Variants in ATP6V1H observed in about 807,000 individuals in gnomAD.
The protein encoded by ATP6V1H is V-type proton ATPase subunit H.
In ATP6V1H, 39 loss-of-function variants were observed where a neutral mutation model predicts 71.7. The ratio of observed to expected loss-of-function variants is 0.54; its 90% CI spans 0.42 to 0.71. The LOEUF is 0.71. ATP6V1H is among the 30% of genes least tolerant of loss of function. The probability of loss-of-function intolerance (pLI) is 0.00; values close to 1 mark genes in which losing one functional copy is unlikely to be tolerated. For missense variants in ATP6V1H, 509 were observed against 594.9 expected, an observed-to-expected ratio of 0.86 and a Z score of 1.50; for synonymous variants, 192 against 199.3, an observed-to-expected ratio of 0.96 and a Z score of 0.31.
intron 2 of ATP6V1H, among the ~76,000 whole-genome samples, chr8:53,837,035 G>C (rs1811180559): frequency 6.6e-6 from 1 of 152,098 alleles, no homozygotes; most frequent in Non-Finnish European, 1.5e-5. Flanking sequence ...CAGCTACTCG[G>C]GAGGCTGAGG....
At position 53,718,522 on chromosome 8, in the gene ATP6V1H, TG is replaced by T. The variant is rs772568242; in HGVS notation, c.1392-2499del. ...CTCCCACCCCAGCCTCTTGAGAAGC[TG>T]GAACTACAGGTGCTCACCACCATGC... On this transcript the variant is annotated intron_variant, in intron 13 of 13. Coordinates refer to ENST00000359530, the MANE Select transcript of ATP6V1H (RefSeq NM_015941.4). Among the ~76,000 whole-genome samples the T allele has an allele frequency of 9.8e-4, 149 of 151,982 alleles. 1 individual carries two copies. Among genetic ancestry groups the T allele is most frequent in the Non-Finnish European group, 1.5e-3 (103 of 67,996 alleles).
At chr8:53,719,665 C>T (rs1806548096) in intron 13 of ATP6V1H, among the ~76,000 whole-genome samples, 1 of 152,208 alleles carries the variant, frequency 6.6e-6, no homozygotes, top group South Asian at 2.1e-4. Flanking sequence ...AGCTTTATCA[C>T]AGGTATGCCC....
At chr8:53,827,225 A>C (rs2130511845) in intron 4 of ATP6V1H, among the ~76,000 whole-genome samples, 1 of 151,822 alleles carries the variant, frequency 6.6e-6, no homozygotes, top group Middle Eastern at 3.4e-3. Flanking sequence ...TCTACTAAAA[A>C]CACAAAAATT....
chr8:53,723,154 G>T (rs1295017914), intron 13 of ATP6V1H, among the ~76,000 whole-genome samples: 1 of 152,154 alleles, frequency 6.6e-6, no homozygotes, highest in Non-Finnish European at 1.5e-5. Flanking sequence ...ATACAACTTT[G>T]GCACACTACA....
chr8:53,769,676 CA>C lies in ATP6V1H; in HGVS notation c.1116del (p.Glu373ArgfsTer9). On this transcript the variant is annotated frameshift_variant, in exon 11 of 14. Transcript: ENST00000359530. LOFTEE classifies it high-confidence loss of function. ...ACAGCATTCTCTCTCCAAAATTTCT[CA>C]GATTTGTGCACAGGACTCCATTCCA... The part of the protein sequence containing the change: ...GRLEWSPVHK[S>X]EKFWRENAVR... 6.2e-7 allele frequency: 1 copy of C among 1,613,038 alleles called. No homozygotes were observed. Among genetic ancestry groups the C allele is most frequent in the Non-Finnish European group, 8.5e-7 (1 of 1,179,256 alleles).
intron 13 of ATP6V1H, among the ~76,000 whole-genome samples, chr8:53,718,953 G>GAAGA (rs1806523927): frequency 1.3e-5 from 2 of 152,262 alleles, no homozygotes; most frequent in East Asian, 3.9e-4. Flanking sequence ...CCCAGCAAGA[G>GAAGA]AAGAGCCCAG....
intron 11 of ATP6V1H, among the ~76,000 whole-genome samples, chr8:53,763,875 A>C (rs1808360757): frequency 6.6e-6 from 1 of 152,208 alleles, no homozygotes; most frequent in Non-Finnish European, 1.5e-5. Context: ...AAACACTTAA[A>C]GGGTAACTGA....
chr8:53,841,548 G>A (rs755407350), intron 2 of ATP6V1H, 30 bp downstream of exon 2: 1 of 1,610,892 alleles, frequency 6.2e-7, no homozygotes, highest in Non-Finnish European at 8.5e-7. Flanking sequence ...GCATATGACT[G>A]TCCATGATTC....
chr8:53,774,367 T>C (rs976217930), intron 9 of ATP6V1H, among the ~76,000 whole-genome samples: 4 of 152,228 alleles, frequency 2.6e-5, no homozygotes, highest in Non-Finnish European at 5.9e-5. Context: ...CTACTTAAAG[T>C]AGAAAGTATT....
intron 13 of ATP6V1H, among the ~76,000 whole-genome samples, chr8:53,719,244 C>T (rs931769222): frequency 1.3e-5 from 2 of 152,126 alleles, no homozygotes; most frequent in African/African-American, 4.8e-5. Flanking sequence ...GATCTCAGCT[C>T]ACTGCAATCT....
At chr8:53,726,876 C>T (rs1218194928) in intron 13 of ATP6V1H, among the ~76,000 whole-genome samples, 1 of 152,106 alleles carries the variant, frequency 6.6e-6, no homozygotes, top group African/African-American at 2.4e-5. Flanking sequence ...CTGCTTCGTC[C>T]CCACTATCTA....
intron 13 of ATP6V1H, among the ~76,000 whole-genome samples, chr8:53,724,471 T>C (rs1806734535): frequency 6.6e-6 from 1 of 151,974 alleles, no homozygotes; most frequent in African/African-American, 2.4e-5. Flanking sequence ...CCAGTTCCTT[T>C]GCAGCTACAT....
intron 4 of ATP6V1H, among the ~76,000 whole-genome samples, chr8:53,821,372 C>CAAA (rs576615850): frequency 1.0e-5 from 1 of 98,082 alleles, no homozygotes; most frequent in Non-Finnish European, 2.2e-5. Context: ...GACTCCATCT[C>CAAA]AAAAAAAAAA....
intron 9 of ATP6V1H, among the ~76,000 whole-genome samples, chr8:53,775,318 C>T (rs1340208719): frequency 6.6e-6 from 1 of 152,142 alleles, no homozygotes; most frequent in African/African-American, 2.4e-5. Context: ...AGATTTATTG[C>T]AAAGAGCGAA....
chr8:53,782,697 G>A (rs1400817642), intron 9 of ATP6V1H, among the ~76,000 whole-genome samples: 2 of 151,828 alleles, frequency 1.3e-5, no homozygotes, highest in African/African-American at 2.4e-5. Flanking sequence ...ATAGCTCTTA[G>A]TATTTTGAGA....
chr8:53,799,822 G>A (rs1809853205), intron 8 of ATP6V1H, among the ~76,000 whole-genome samples: 1 of 152,142 alleles, frequency 6.6e-6, no homozygotes, highest in Admixed American at 6.5e-5. Flanking sequence ...TGCCATCTGA[G>A]TTTACAGTGA....
chr8:53,790,959 A>G (rs1809546483), intron 9 of ATP6V1H, among the ~76,000 whole-genome samples: 1 of 152,184 alleles, frequency 6.6e-6, no homozygotes, highest in Non-Finnish European at 1.5e-5. Context: ...CATTATTTTT[A>G]TAACAGTAAA....
intron 9 of ATP6V1H, among the ~76,000 whole-genome samples, chr8:53,794,061 CCA>C (rs1172066645): frequency 1.3e-5 from 2 of 152,078 alleles, no homozygotes; most frequent in East Asian, 3.9e-4. Flanking sequence ...AGAAACACCA[CCA>C]CATGGCCATC....
intron 9 of ATP6V1H, among the ~76,000 whole-genome samples, chr8:53,789,194 G>T (rs1809484343): frequency 1.3e-5 from 2 of 152,162 alleles, no homozygotes; most frequent in African/African-American, 4.8e-5. Context: ...TGATATTACA[G>T]TATTAGATAC....
Sources: allele counts gnomAD v4.1 joint callset (sites outside exome capture counted in the v4.1 genomes callset), GRCh38; gene constraint gnomAD v4.1.1; transcripts MANE v1.5; gene names NCBI Gene and HGNC (gene_info 2026-07-23, HGNC 2026-07-21).